AGBL4: variants seen among roughly 807,000 people sequenced by gnomAD.
AGBL4 encodes AGBL carboxypeptidase 4.
A neutral mutation model predicts 66.4 loss-of-function variants in AGBL4; 58 were observed. The ratio of observed to expected loss-of-function variants is 0.87; its 90% CI spans 0.71 to 1.09. AGBL4 has a LOEUF of 1.09. Among genes scored for constraint, AGBL4 ranks in the 50% least tolerant of loss-of-function variants. The pLI is 0.00. For synonymous variants in AGBL4, 234 were observed against 222.9 expected (o/e 1.05, Z -0.44); for missense variants, 579 against 631.0 (o/e 0.92, Z 0.88).
chr1:49,390,145 G>A (rs1256613365), intron 3 of AGBL4, among the ~76,000 whole-genome samples: 2 of 152,164 alleles, frequency 1.3e-5, no homozygotes, highest in South Asian at 2.1e-4. Context: ...TCACAGAGCC[G>A]TGACTATCAC....
intron 4 of AGBL4, among the ~76,000 whole-genome samples, chr1:49,210,664 C>T (rs1195190006): frequency 6.6e-6 from 1 of 152,024 alleles, no homozygotes; most frequent in Non-Finnish European, 1.5e-5. Flanking sequence ...CTTGCCAACC[C>T]CCAACAGCCA....
intron 2 of AGBL4, among the ~76,000 whole-genome samples, chr1:49,719,853 C>G (rs1388524251): frequency 6.6e-6 from 1 of 151,954 alleles, no homozygotes; most frequent in African/African-American, 2.4e-5. Flanking sequence ...AGGGGCTTTC[C>G]CCCTTTTGCT....
intron 3 of AGBL4, among the ~76,000 whole-genome samples, chr1:49,608,922 C>T (rs1645106652): frequency 1.3e-5 from 2 of 152,056 alleles, no homozygotes; most frequent in African/African-American, 4.8e-5. Flanking sequence ...ACTACCATCA[C>T]CCCTCCCCCA....
At chr1:48,971,720 A>G (rs1221428933) in intron 5 of AGBL4, among the ~76,000 whole-genome samples, 2 of 152,192 alleles carry the variant, frequency 1.3e-5, no homozygotes, top group Non-Finnish European at 2.9e-5. Context: ...AAATCTTGGT[A>G]GGGATGGTTA....
At chr1:48,880,191 C>T (rs895850293) in intron 5 of AGBL4, among the ~76,000 whole-genome samples, 4 of 152,146 alleles carry the variant, frequency 2.6e-5, no homozygotes, top group Admixed American at 2.0e-4. Context: ...AGCTTAGCTA[C>T]CACTTATGAG....
At chr1:48,531,972 C>T (rs1290019380), downstream of AGBL4, among the ~76,000 whole-genome samples, 1 of 152,024 alleles carries the variant, frequency 6.6e-6, no homozygotes, top group African/African-American at 2.4e-5. Context: ...TTAGTAGAGA[C>T]GGGCTTTCTC....
chr1:49,494,519 G>A (rs1403979823), intron 3 of AGBL4, among the ~76,000 whole-genome samples: 4 of 151,828 alleles, frequency 2.6e-5, no homozygotes, highest in Non-Finnish European at 4.4e-5. Flanking sequence ...GTGAGAATAT[G>A]TGGTGTTTGG....
chr1:49,274,470 A>T (rs1465543245), intron 3 of AGBL4, among the ~76,000 whole-genome samples: 1 of 152,180 alleles, frequency 6.6e-6, no homozygotes, highest in African/African-American at 2.4e-5. Flanking sequence ...ATATGTTAAC[A>T]GTAACAATTA....
intron 5 of AGBL4, among the ~76,000 whole-genome samples, chr1:48,962,440 G>T (rs1167746815): frequency 2.6e-5 from 4 of 152,194 alleles, no homozygotes; most frequent in Non-Finnish European, 5.9e-5. Context: ...AGAATGTAAA[G>T]AGCGCTTATG....
At chr1:48,726,647 T>G (rs1647293403) in intron 6 of AGBL4, among the ~76,000 whole-genome samples, 1 of 152,140 alleles carries the variant, frequency 6.6e-6, no homozygotes, top group Non-Finnish European at 1.5e-5. Flanking sequence ...GAAAGACAAT[T>G]AAAATAAAAG....
intron 5 of AGBL4, among the ~76,000 whole-genome samples, chr1:48,958,512 C>A (rs1185732694): frequency 1.3e-5 from 2 of 152,196 alleles, no homozygotes; most frequent in African/African-American, 4.8e-5. Context: ...CCCATAAAAA[C>A]CTATTACATA....
At chr1:49,790,384 A>C (rs954558611) in intron 2 of AGBL4, among the ~76,000 whole-genome samples, 2 of 148,146 alleles carry the variant, frequency 1.4e-5, no homozygotes, top group East Asian at 1.9e-4. Context: ...AAAAAAAAAG[A>C]AGCTCAGTAA....
At chr1:48,632,801 T>A (rs1645613064) in intron 9 of AGBL4, among the ~76,000 whole-genome samples, 1 of 152,242 alleles carries the variant, frequency 6.6e-6, no homozygotes, top group African/African-American at 2.4e-5. Flanking sequence ...TGCTATTCTA[T>A]CAGGGAAACT....
intron 6 of AGBL4, among the ~76,000 whole-genome samples, chr1:48,795,859 G>T (rs1645662395): frequency 6.6e-6 from 1 of 152,152 alleles, no homozygotes; most frequent in South Asian, 2.1e-4. Flanking sequence ...TCACTATCTT[G>T]GCTAGGCTGA....
At position 49,126,397 on chromosome 1, in the gene AGBL4, A is replaced by G. The variant is rs914836630; in HGVS notation, c.378-80597T>C. Reference sequence around the variant, plus strand: ...AATCTCTAATCTTCATAACAGTCCTACAACCTAAAACAGACCTAGGAGATT... The same window carrying G: ...AATCTCTAATCTTCATAACAGTCCTGCAACCTAAAACAGACCTAGGAGATT... On this transcript the variant is annotated intron_variant, in intron 4 of 13. Transcript: ENST00000371839. 3.3e-5 allele frequency among the ~76,000 whole-genome samples: 5 copies of G among 152,172 alleles called. No individual in the cohort carries two copies. In the East Asian group the frequency reaches 9.6e-4, roughly 29 times the overall value.
intron 4 of AGBL4, among the ~76,000 whole-genome samples, chr1:49,143,615 C>A (rs1337169655): frequency 6.6e-6 from 1 of 152,134 alleles, no homozygotes; most frequent in African/African-American, 2.4e-5. Flanking sequence ...AGGAATACTT[C>A]ATAATACAAT....
At chr1:49,349,719 T>C (rs896922421) in intron 3 of AGBL4, among the ~76,000 whole-genome samples, 2 of 152,168 alleles carry the variant, frequency 1.3e-5, no homozygotes, top group Non-Finnish European at 2.9e-5. Flanking sequence ...TCCCCCAAAA[T>C]TCATATAATA....
chr1:50,023,747 G>T lies in AGBL4; in HGVS notation c.34+16C>A, dbSNP rs1202335597. 2 of 1,547,528 alleles carry T rather than the reference G, an allele frequency of 1.3e-6. No homozygotes were observed. Among genetic ancestry groups the T allele is most frequent in the African/African-American group, 2.7e-5 (2 of 72,786 alleles). ...TGGCCGCCTCAGCCTTCCCCAGATC[G>T]GCCGCCCCCACAGACCTGCCTCAGG... On this transcript the variant is annotated intron_variant, in intron 1 of 13. Coordinates refer to ENST00000371839, the MANE Select transcript of AGBL4 (RefSeq NM_032785.4).
At chr1:49,938,709 G>A (rs540187120) in intron 1 of AGBL4, among the ~76,000 whole-genome samples, 5 of 152,172 alleles carry the variant, frequency 3.3e-5, no homozygotes, top group African/African-American at 1.2e-4. Context: ...ATCAATAAAC[G>A]TAATCCAGCA....
Sources: allele counts gnomAD v4.1 joint callset (sites outside exome capture counted in the v4.1 genomes callset), GRCh38; gene constraint gnomAD v4.1.1; transcripts MANE v1.5; gene names NCBI Gene and HGNC (gene_info 2026-07-23, HGNC 2026-07-21).